DNAH9: variants seen among roughly 807,000 people sequenced by gnomAD.
The protein encoded by DNAH9 is DNAH9 variant protein.
Under a neutral mutation model 471.6 loss-of-function variants are expected in DNAH9, and 345 were observed. The ratio of observed to expected loss-of-function variants is 0.73; its 90% CI spans 0.67 to 0.80. The LOEUF (loss-of-function observed/expected upper bound fraction) is 0.80, where lower values mean the gene tolerates loss of function less well. Ranked by LOEUF, DNAH9 falls within the 30% of genes least tolerant of loss-of-function variation. The pLI, the probability that DNAH9 is intolerant of heterozygous loss-of-function variation, is 0.00. For missense variants in DNAH9, 5,407 were observed against 5,609.2 expected (o/e 0.96, Z 1.15); for synonymous variants, 2,093 against 2,123.6 (o/e 0.99, Z 0.40).
intron 28 of DNAH9, among the ~76,000 whole-genome samples, chr17:11,730,828 GTGATGC>G (rs1276988746): frequency 6.6e-6 from 1 of 151,798 alleles, no homozygotes; most frequent in Non-Finnish European, 1.5e-5. Context: ...GCTAATGATG[GTGATGC>G]TGATGATGAT....
chr17:11,869,059 G>A (rs1972165401), intron 50 of DNAH9, 75 bp from the exon 51 acceptor site: 4 of 1,550,540 alleles, frequency 2.6e-6, no homozygotes, highest in Admixed American at 3.6e-5. Flanking sequence ...ACCTCCATGT[G>A]AACCCTCATC....
At chr17:11,694,518 C>T (rs1052409769) in intron 22 of DNAH9, 71 bp downstream of exon 22, 1 of 1,562,762 alleles carries the variant, frequency 6.4e-7, no homozygotes, top group African/African-American at 1.4e-5. Context: ...CAGTTTCTGG[C>T]TCCCCATCAT....
At chr17:11,824,252 G>C (rs1970413080) in intron 48 of DNAH9, among the ~76,000 whole-genome samples, 1 of 152,164 alleles carries the variant, frequency 6.6e-6, no homozygotes, top group Non-Finnish European at 1.5e-5. Flanking sequence ...TGTTCCTGTA[G>C]TTATCTGAGC....
chr17:11,937,411 A>G lies in DNAH9; in HGVS notation c.12549A>G (p.Ala4183=), dbSNP rs1974749817. The G allele has an allele frequency of 6.2e-7, 1 of 1,613,966 alleles. No individual in the cohort carries two copies. Among genetic ancestry groups the G allele is most frequent in the Admixed American group, 1.7e-5 (1 of 60,002 alleles). ...ACCTCTATGGCCTCCACCCGAACGC[A>G]GAGATTGGCTTCCTGACCCAAACCT... ...SPYLYGLHPN[A]EIGFLTQTSE... is the part of the protein sequence containing the mutation. Residue 4183 remains alanine, a synonymous_variant, in exon 66 of 69, where the codon GCA becomes GCG. Transcript: ENST00000262442. This position sits in a 1 kb window ranked among gnomAD's most constrained non-coding sequence, Gnocchi z 4.1.
At chr17:11,656,185 T>G (rs760377250) in intron 14 of DNAH9, among the ~76,000 whole-genome samples, 5 of 152,210 alleles carry the variant, frequency 3.3e-5, no homozygotes, top group Admixed American at 6.5e-5. Flanking sequence ...CCATCAGCAG[T>G]GTAAAAGTGT....
At chr17:11,689,382 C>A (rs1298310108) in intron 19 of DNAH9, among the ~76,000 whole-genome samples, 184 bp from the exon 20 acceptor site, 1 of 147,814 alleles carries the variant, frequency 6.8e-6, no homozygotes, top group African/African-American at 2.6e-5. Context: ...TTTTTTTTCC[C>A]AAAAGAAAAT....
chr17:11,879,890 TA>T (rs1355760386), intron 53 of DNAH9, among the ~76,000 whole-genome samples, 187 bp from the exon 54 acceptor site: 6 of 152,340 alleles, frequency 3.9e-5, no homozygotes, highest in Non-Finnish European at 8.8e-5. Flanking sequence ...TCCCTATTTC[TA>T]AAAGTGTATA....
At chr17:11,934,321 T>C (rs958775507) in intron 65 of DNAH9, among the ~76,000 whole-genome samples, 5 of 152,182 alleles carry the variant, frequency 3.3e-5, no homozygotes, top group Admixed American at 6.5e-5. Flanking sequence ...ATGGAGCCTT[T>C]GGAGATCTTT....
intron 48 of DNAH9, among the ~76,000 whole-genome samples, chr17:11,827,197 C>T (rs1049062638): frequency 6.6e-6 from 1 of 152,174 alleles, no homozygotes; most frequent in African/African-American, 2.4e-5. Flanking sequence ...ACTCTCAATC[C>T]AGCATCACCC....
chr17:11,812,064 TACAC>T (rs1667335475), intron 45 of DNAH9, among the ~76,000 whole-genome samples: 1 of 110,906 alleles, frequency 9.0e-6, no homozygotes, highest in Non-Finnish European at 1.8e-5. Context: ...TACACATACA[TACAC>T]ACATACATCC....
Position 11,669,725 on chromosome 17 carries a change from C to G in DNAH9, c.3284C>G (p.Ser1095Cys), listed in dbSNP as rs765440808. The change falls in exon 17 of 69, where the codon TCT (serine) becomes TGT (cysteine). Residue 1095 changes from serine (S) to cysteine (C), a missense_variant. By Grantham distance (112) the Ser-to-Cys change is moderately radical. Coordinates refer to ENST00000262442, the MANE Select transcript of DNAH9 (RefSeq NM_001372.4). ...ATTGATATTCGACCCTTTAAGGCAT[C>G]TCTGCTGAATATTATTAAGAGGTGG... is the stretch of plus-strand genomic sequence containing the variant. The part of the protein sequence containing the change: ...MKIDIRPFKA[S>C]LLNIIKRWSL... 6 of 1,614,136 alleles carry G rather than the reference C, an allele frequency of 3.7e-6. No individual in the cohort carries two copies. Among genetic ancestry groups the G allele is most frequent in the Non-Finnish European group, 5.1e-6 (6 of 1,179,998 alleles).
intron 45 of DNAH9, among the ~76,000 whole-genome samples, chr17:11,815,032 G>A (rs1427354844): frequency 6.6e-6 from 1 of 152,096 alleles, no homozygotes; most frequent in Non-Finnish European, 1.5e-5. Flanking sequence ...GACATACTTA[G>A]TGGACTCATT....
chr17:11,680,699 AC>A, intron 18 of DNAH9, 23 bp from the exon 19 acceptor site: 4 of 1,611,978 alleles, frequency 2.5e-6, no homozygotes, highest in Non-Finnish European at 3.4e-6. Flanking sequence ...TGGGAATCTG[AC>A]CACACTGAGG....
At chr17:11,605,525 G>T (rs1011452919) in intron 1 of DNAH9, among the ~76,000 whole-genome samples, 1 of 151,718 alleles carries the variant, frequency 6.6e-6, no homozygotes, top group African/African-American at 2.4e-5. Context: ...TCGAGACAGG[G>T]TCTCACTCTG....
intron 52 of DNAH9, among the ~76,000 whole-genome samples, chr17:11,874,433 G>A (rs1342737365): frequency 6.6e-6 from 1 of 152,086 alleles, no homozygotes; most frequent in Non-Finnish European, 1.5e-5. Context: ...GCAAGTGAAT[G>A]GGGTGTTTGG....
chr17:11,768,263 C>T (rs558807262), intron 36 of DNAH9, among the ~76,000 whole-genome samples, 190 bp from the exon 37 acceptor site: 19 of 152,310 alleles, frequency 1.2e-4, no homozygotes, highest in African/African-American at 3.8e-4. Flanking sequence ...GTGGCCCCTG[C>T]GTAGTCCGGC....
At chr17:11,857,995 C>T (rs1454249748) in intron 50 of DNAH9, among the ~76,000 whole-genome samples, 1 of 152,136 alleles carries the variant, frequency 6.6e-6, no homozygotes, top group Non-Finnish European at 1.5e-5. Flanking sequence ...ATAAATTACC[C>T]AGTCTCAGGT....
chr17:11,858,711 T>C lies in DNAH9; in HGVS notation c.9933+4283T>C, dbSNP rs187412298. Reference sequence around the variant, plus strand: ...TCTGCTAGCTAGCTAAGGCTATAAGTTGTCCATTTCCATGTCTTCCCAATA... The same window carrying C: ...TCTGCTAGCTAGCTAAGGCTATAAGCTGTCCATTTCCATGTCTTCCCAATA... On this transcript the variant is annotated intron_variant, in intron 50 of 68. Coordinates refer to ENST00000262442, the MANE Select transcript of DNAH9 (RefSeq NM_001372.4). 1.1e-3 allele frequency among the ~76,000 whole-genome samples: 161 copies of C among 152,338 alleles called. 1 individual carries two copies. Among genetic ancestry groups the C allele is most frequent in the Admixed American group, 3.9e-3 (60 of 15,296 alleles).
At chr17:11,822,711 T>C in intron 47 of DNAH9, 90 bp from the exon 48 acceptor site, 1 of 1,583,174 alleles carries the variant, frequency 6.3e-7, no homozygotes. Flanking sequence ...AGTTTCCACA[T>C]GGTGGAGGAA....
Sources: gnomAD v4.1 joint callset for allele counts (sites outside exome capture counted in the v4.1 genomes callset) on GRCh38, gnomAD v4.1.1 for gene constraint, Gnocchi (gnomAD v3.1) non-coding constraint, MANE v1.5 for transcripts, NCBI Gene and HGNC (gene_info 2026-07-23, HGNC 2026-07-21) for gene names.